Variants in HPSE2 observed in about 807,000 individuals in gnomAD.
HPSE2 encodes the protein heparanase 2 (inactive), also known as inactive heparanase-2.
In HPSE2, 38 loss-of-function variants were observed where a neutral mutation model predicts 60.5. The ratio of observed to expected loss-of-function variants is 0.63; its 90% CI spans 0.48 to 0.82. The LOEUF (loss-of-function observed/expected upper bound fraction) is 0.82, where lower values mean the gene tolerates loss of function less well. Among genes scored for constraint, HPSE2 ranks in the 40% least tolerant of loss-of-function variants. HPSE2 has a pLI of 0.00. For missense variants in HPSE2, 713 were observed against 740.4 expected (o/e 0.96, Z 0.43); for synonymous variants, 295 against 293.2 (o/e 1.01, Z -0.06).
the HPSE2 span, among the ~76,000 whole-genome samples, chr10:99,270,750 A>C: frequency 6.6e-6 from 1 of 152,232 alleles, no homozygotes; most frequent in Non-Finnish European, 1.5e-5. Flanking sequence ...AACACTAGCT[A>C]ACTGAATCCA....
At chr10:98,868,400 A>G (rs1374063096) in intron 3 of HPSE2, among the ~76,000 whole-genome samples, 1 of 152,058 alleles carries the variant, frequency 6.6e-6, no homozygotes, top group African/African-American at 2.4e-5. Flanking sequence ...TAATGGGTCC[A>G]AATAAAAAAA....
the HPSE2 span, among the ~76,000 whole-genome samples, chr10:99,292,599 T>C: frequency 8.5e-5 from 13 of 152,198 alleles, no homozygotes; most frequent in African/African-American, 3.1e-4. Context: ...GCCACACATA[T>C]ATTTTAAAAT....
intron 2 of HPSE2, among the ~76,000 whole-genome samples, chr10:99,153,790 G>A (rs968835656): frequency 5.3e-5 from 8 of 152,200 alleles, no homozygotes; most frequent in East Asian, 1.9e-4. Flanking sequence ...GGCTTCAGAC[G>A]ATCAAATTAC....
intron 3 of HPSE2, among the ~76,000 whole-genome samples, chr10:98,747,954 A>G (rs540108732): frequency 6.6e-6 from 1 of 152,296 alleles, no homozygotes; most frequent in African/African-American, 2.4e-5. Flanking sequence ...TGTGTTGCAT[A>G]AAAGTGGCCT....
At chr10:98,537,698 G>A (rs1448208675) in intron 9 of HPSE2, among the ~76,000 whole-genome samples, 37 of 152,248 alleles carry the variant, frequency 2.4e-4, no homozygotes, top group African/African-American at 7.9e-4. Flanking sequence ...GAAGGCACCC[G>A]TTACTTAGCA....
chr10:98,927,395 G>A (rs1009795867), intron 3 of HPSE2, among the ~76,000 whole-genome samples: 59 of 151,532 alleles, frequency 3.9e-4, no homozygotes, highest in Non-Finnish European at 6.9e-4. Context: ...TCAATATCGT[G>A]AAAATGGCCA....
intron 3 of HPSE2, among the ~76,000 whole-genome samples, chr10:99,031,159 C>T (rs1295044786): frequency 2.0e-5 from 3 of 152,136 alleles, no homozygotes; most frequent in African/African-American, 7.2e-5. Context: ...GTTTGTAACA[C>T]AAAGGCTGAA....
chr10:99,177,840 A>C (rs1847591540), intron 2 of HPSE2, among the ~76,000 whole-genome samples: 1 of 152,182 alleles, frequency 6.6e-6, no homozygotes, highest in South Asian at 2.1e-4. Context: ...ACCACATCGC[A>C]CTTATTCTAA....
chr10:98,970,284 T>C (rs1460106648), intron 3 of HPSE2, among the ~76,000 whole-genome samples: 2 of 152,058 alleles, frequency 1.3e-5, no homozygotes, highest in Non-Finnish European at 2.9e-5. Flanking sequence ...TTTAAAAACA[T>C]AGATCACATG....
At chr10:98,560,598 C>A (rs931406067) in intron 9 of HPSE2, among the ~76,000 whole-genome samples, 1 of 152,206 alleles carries the variant, frequency 6.6e-6, no homozygotes, top group Non-Finnish European at 1.5e-5. Flanking sequence ...TCTTGGTCCA[C>A]CTCAGCAGGA....
chr10:98,530,613 A>G (rs1231457319), intron 9 of HPSE2, among the ~76,000 whole-genome samples: 1 of 152,194 alleles, frequency 6.6e-6, no homozygotes, highest in Non-Finnish European at 1.5e-5. Flanking sequence ...CTGCCTGACA[A>G]GCTCCTGGCA....
chr10:98,950,263 C>G (rs60564486), intron 3 of HPSE2, among the ~76,000 whole-genome samples: 19,103 of 152,030 alleles, frequency 0.13, 1,261 homozygotes, highest in South Asian at 0.21. Flanking sequence ...GTATGTTTTG[C>G]CACATTCTGT....
intron 9 of HPSE2, among the ~76,000 whole-genome samples, chr10:98,553,479 A>C (rs1314425576): frequency 2.0e-5 from 3 of 152,194 alleles, no homozygotes; most frequent in Non-Finnish European, 2.9e-5. Context: ...CTACATGCTC[A>C]GACATGCATC....
intron 9 of HPSE2, among the ~76,000 whole-genome samples, chr10:98,613,691 C>T (rs1011396051): frequency 4.6e-5 from 7 of 152,228 alleles, no homozygotes; most frequent in African/African-American, 1.7e-4. Context: ...AGAAAGAGCA[C>T]TGAACCAAGG....
intron 9 of HPSE2, among the ~76,000 whole-genome samples, chr10:98,586,246 A>G (rs2133932768): frequency 1.3e-5 from 2 of 152,278 alleles, no homozygotes; most frequent in Middle Eastern, 6.8e-3. Flanking sequence ...TTGCAGATGC[A>G]TCGTATTTTG....
At chr10:99,002,302 G>C (rs947372078) in intron 3 of HPSE2, among the ~76,000 whole-genome samples, 4 of 152,044 alleles carry the variant, frequency 2.6e-5, no homozygotes, top group African/African-American at 9.7e-5. Context: ...CATGGAGGTG[G>C]AGCATAACTC....
intron 5 of HPSE2, among the ~76,000 whole-genome samples, chr10:98,712,735 C>T (rs10748753): frequency 0.18 from 28,072 of 151,958 alleles, 3,014 homozygotes; most frequent in East Asian, 0.38. Flanking sequence ...CTCTGAGCCA[C>T]GATAGGAGCA....
chr10:98,883,278 C>T (rs1953076410), intron 3 of HPSE2, among the ~76,000 whole-genome samples: 1 of 151,902 alleles, frequency 6.6e-6, no homozygotes, highest in African/African-American at 2.4e-5. Context: ...ACCTAGGTGA[C>T]CACAAGGCAT....
chr10:98,756,717 G>A (rs1032176262), intron 3 of HPSE2, among the ~76,000 whole-genome samples: 1 of 152,080 alleles, frequency 6.6e-6, no homozygotes, highest in Non-Finnish European at 1.5e-5. Flanking sequence ...CCCTGGACCA[G>A]AAGGATTTAC....
Sources: allele counts gnomAD v4.1 joint callset (sites outside exome capture counted in the v4.1 genomes callset), GRCh38; gene constraint gnomAD v4.1.1; transcripts MANE v1.5; gene names NCBI Gene and HGNC (gene_info 2026-07-23, HGNC 2026-07-21).